Variants in PPP2R3A observed in about 807,000 individuals in gnomAD.
PPP2R3A encodes serine/threonine-protein phosphatase 2A regulatory subunit B'' subunit alpha.
Under a neutral mutation model 106.9 loss-of-function variants are expected in PPP2R3A, and 80 were observed. That is an observed-to-expected ratio of 0.75 (90% CI 0.62 to 0.90). PPP2R3A has a LOEUF of 0.90. Ranked by LOEUF, PPP2R3A falls within the 40% of genes least tolerant of loss-of-function variation. PPP2R3A has a pLI of 0.00. For missense variants in PPP2R3A, 1,386 were observed against 1,350.4 expected (o/e 1.03, Z -0.41); for synonymous variants, 483 against 468.3 (o/e 1.03, Z -0.41).
At chr3:136,087,263 CT>C (rs1936969425) in intron 8 of PPP2R3A, among the ~76,000 whole-genome samples, 1 of 144,532 alleles carries the variant, frequency 6.9e-6, no homozygotes, top group Non-Finnish European at 1.5e-5. Context: ...CTCTCTCTCT[CT>C]CTCTCTCTCT....
At chr3:136,024,983 A>G (rs1359320898) in intron 2 of PPP2R3A, among the ~76,000 whole-genome samples, 10 of 152,154 alleles carry the variant, frequency 6.6e-5, no homozygotes, top group Admixed American at 6.5e-4. Flanking sequence ...TGTTAACTCA[A>G]AAGTGGTTTG....
chr3:136,132,594 T>TA, intron 13 of PPP2R3A, among the ~76,000 whole-genome samples: 1 of 151,650 alleles, frequency 6.6e-6, no homozygotes, highest in South Asian at 2.1e-4. Context: ...ACAATGAAAC[T>TA]AAAAAAACAA....
chr3:136,139,941 G>A (rs1474192321), intron 13 of PPP2R3A, among the ~76,000 whole-genome samples: 2 of 151,038 alleles, frequency 1.3e-5, no homozygotes, highest in African/African-American at 4.9e-5. Flanking sequence ...AGGAGGTGGA[G>A]GTTGCAGTGA....
rs1379977321 is a variant in PPP2R3A, at chr3:136,040,702, C to G, written c.2263-157C>G. Among the ~76,000 whole-genome samples the G allele has an allele frequency of 6.6e-6, 1 of 151,704 alleles. No individual in the cohort carries two copies. The highest frequency in any genetic ancestry group is 1.5e-5 in the Non-Finnish European group (1 of 67,948). On this transcript the variant is annotated intron_variant, in intron 3 of 13. Transcript: ENST00000264977. ...TCCCCTCTGCCTCTCTCTGAATCTA[C>G]CCTAGTTGATATATTTTCCTATGCT... is the stretch of plus-strand genomic sequence containing the variant.
intron 3 of PPP2R3A, among the ~76,000 whole-genome samples, chr3:136,030,200 A>G (rs1406688298): frequency 6.6e-6 from 1 of 150,860 alleles, no homozygotes; most frequent in Non-Finnish European, 1.5e-5. Context: ...CCTGGGTGAC[A>G]GAGTGAGAAC....
In PPP2R3A at chr3:136,042,715, C is replaced by G. The variant is rs182240639; in HGVS notation, c.2366+1753C>G. On this transcript the variant is annotated intron_variant, in intron 4 of 13. Transcript: ENST00000264977. ...AAGTTATATAGCATGAGCAACTATC[C>G]CTGTCTTTTTTTCATCAGAAAAATT... 5.7e-4 allele frequency among the ~76,000 whole-genome samples: 87 copies of G among 152,218 alleles called. No individual in the cohort carries two copies. The East Asian group carries it at 9.6e-3, about 17-fold the overall frequency.
At chr3:136,041,111 T>G in intron 4 of PPP2R3A, 149 bp downstream of exon 4, 1 of 565,876 alleles carries the variant, frequency 1.8e-6, no homozygotes, top group Non-Finnish European at 3.0e-6. Flanking sequence ...TACAACCATT[T>G]ATACTCACAT....
chr3:136,110,498 A>G (rs376480115), intron 13 of PPP2R3A, among the ~76,000 whole-genome samples: 9 of 152,326 alleles, frequency 5.9e-5, no homozygotes, highest in East Asian at 1.9e-4. Flanking sequence ...CTTTGGAAGC[A>G]ATAGAAATAA....
rs66592538 is a variant in PPP2R3A, at chr3:135,977,688, C to CTTTTTTTTTTT, written c.-441+11857_-441+11867dup. ...AAGTTGCATTCATCTGATCAGCATT[C>CTTTTTTTTTTT]TTTTTTTTTTTTTTTTTTTTTTTTT... On this transcript the variant is annotated intron_variant, in intron 1 of 13. Coordinates refer to ENST00000264977, the MANE Select transcript of PPP2R3A (RefSeq NM_002718.5). 2.3e-4 allele frequency among the ~76,000 whole-genome samples: 14 copies of CTTTTTTTTTTT among 61,124 alleles called. 1 individual carries two copies. The highest frequency in any genetic ancestry group is 7.7e-4 in the African/African-American group (11 of 14,296). 40.1% of individuals were successfully genotyped at this position (61,124 alleles called of 152,430 possible). A position where few individuals can be genotyped will look rare whatever the true frequency, so the allele number is the denominator to read the frequency against.
At chr3:136,135,922 C>T (rs1049296225) in intron 13 of PPP2R3A, among the ~76,000 whole-genome samples, 1 of 151,248 alleles carries the variant, frequency 6.6e-6, no homozygotes, top group Non-Finnish European at 1.5e-5. Flanking sequence ...CCTATAATCC[C>T]AGCTACTTGG....
intron 5 of PPP2R3A, among the ~76,000 whole-genome samples, chr3:136,059,760 A>G (rs560240626): frequency 6.6e-6 from 1 of 152,340 alleles, no homozygotes; most frequent in South Asian, 2.1e-4. Flanking sequence ...CCAGATAAAG[A>G]AAATGTGATA....
intron 2 of PPP2R3A, among the ~76,000 whole-genome samples, chr3:136,024,400 T>C (rs1934577202): frequency 6.6e-6 from 1 of 152,210 alleles, no homozygotes; most frequent in Non-Finnish European, 1.5e-5. Context: ...AATGTTATTT[T>C]CCTTTTAAAT....
intron 2 of PPP2R3A, among the ~76,000 whole-genome samples, chr3:136,021,415 A>G (rs1934461507): frequency 6.6e-6 from 1 of 152,088 alleles, no homozygotes; most frequent in Admixed American, 6.6e-5. Context: ...AGACTCTGCC[A>G]CTTAAAAGAA....
rs538442293 is a variant in PPP2R3A at position 136,063,152 on chromosome 3, C to G, written c.2470-7326C>G. Among the ~76,000 whole-genome samples the G allele has an allele frequency of 4.5e-3, 684 of 152,126 alleles. 4 individuals carry two copies. Among genetic ancestry groups the G allele is most frequent in the African/African-American group, 0.016 (653 of 41,466 alleles). ...ACCATCTGATCTTTGACAAACTTGA[C>G]AAAAACAAGCAATGGGGAAAGGATT... On this transcript the variant is annotated intron_variant, in intron 5 of 13. Transcript: ENST00000264977.
chr3:136,137,395 C>T (rs1462799069), intron 13 of PPP2R3A, among the ~76,000 whole-genome samples: 1 of 151,882 alleles, frequency 6.6e-6, no homozygotes, highest in Non-Finnish European at 1.5e-5. Flanking sequence ...AATTTTAGTG[C>T]TTCAGTGTTC....
chr3:136,142,262 T>G (rs1938906066), intron 13 of PPP2R3A, among the ~76,000 whole-genome samples: 1 of 152,034 alleles, frequency 6.6e-6, no homozygotes, highest in Non-Finnish European at 1.5e-5. Context: ...CATTGTAGGA[T>G]GTTTAGCACC....
chr3:135,993,889 T>C (rs1933278561), intron 1 of PPP2R3A, among the ~76,000 whole-genome samples: 1 of 152,172 alleles, frequency 6.6e-6, no homozygotes, highest in Non-Finnish European at 1.5e-5. Context: ...CTGGCGAGAC[T>C]TACCTACAGT....
chr3:136,109,680 C>T (rs1366478139), intron 13 of PPP2R3A, among the ~76,000 whole-genome samples: 1 of 149,624 alleles, frequency 6.7e-6, no homozygotes, highest in Non-Finnish European at 1.5e-5. Context: ...TAATATAGAC[C>T]AGCATTAGAC....
chr3:136,087,246 T>TCTCC (rs1936966635), intron 8 of PPP2R3A, among the ~76,000 whole-genome samples: 1 of 20,848 alleles, frequency 4.8e-5, no homozygotes, highest in Non-Finnish European at 8.4e-5. Context: ...TCTAGTCGTG[T>TCTCC]CTCTCTCTCT....
Sources: allele counts gnomAD v4.1 joint callset (sites outside exome capture counted in the v4.1 genomes callset), GRCh38; gene constraint gnomAD v4.1.1; transcripts MANE v1.5; gene names NCBI Gene and HGNC (gene_info 2026-07-23, HGNC 2026-07-21).